ABCB1: variants seen among roughly 807,000 people sequenced by gnomAD.
ABCB1 encodes the protein ATP-dependent translocase ABCB1.
ABCB1 carries 69 observed loss-of-function variants against 142.0 expected under a neutral mutation model. That is an observed-to-expected ratio of 0.49 (90% CI 0.40 to 0.59). The LOEUF is 0.59. ABCB1 is among the 20% of genes least tolerant of loss of function. ABCB1 has a pLI of 0.00. For synonymous variants in ABCB1, 532 were observed against 539.2 expected (o/e 0.99, Z 0.18); for missense variants, 1,326 against 1,554.7 (o/e 0.85, Z 2.47).
At chr7:87,691,519 A>G (rs1396184896) in intron 1 of ABCB1, among the ~76,000 whole-genome samples, 1 of 152,114 alleles carries the variant, frequency 6.6e-6, no homozygotes, top group Non-Finnish European at 1.5e-5. Flanking sequence ...ACTTTCTTTT[A>G]ACATTATATA....
intron 3 of ABCB1, among the ~76,000 whole-genome samples, chr7:87,589,553 G>A (rs1427041374): frequency 4.6e-5 from 7 of 152,060 alleles, no homozygotes; most frequent in African/African-American, 1.4e-4. Context: ...GGGAGGCTGA[G>A]GGCAGGAGGA....
chr7:87,531,236 A>T, intron 21 of ABCB1, 58 bp downstream of exon 21: 1 of 1,446,048 alleles, frequency 6.9e-7, no homozygotes, highest in Non-Finnish European at 9.7e-7. Context: ...TAACAAAATA[A>T]CACTGATTAG....
At position 87,668,031 on chromosome 7, in the gene ABCB1, AT is replaced by A. The variant is rs566466239; in HGVS notation, c.-331+45129del. ...AGGTGGGGAGGAGTCCCTCTTCCTC[AT>A]TTTTTTGGAATTATTTCAGTAGAAA... On this transcript the variant is annotated intron_variant, in intron 1 of 28. Transcript: ENST00000265724. 3.8e-3 allele frequency among the ~76,000 whole-genome samples: 571 copies of A among 151,122 alleles called. 1 individual carries two copies. The highest frequency in any genetic ancestry group is 6.4e-3 in the Non-Finnish European group (433 of 67,702).
intron 5 of ABCB1, 58 bp downstream of exon 5, chr7:87,570,114 T>C: frequency 6.7e-7 from 1 of 1,494,388 alleles, no homozygotes. Flanking sequence ...TTTTAAACAT[T>C]TCTACAACTT....
At chr7:87,688,231 C>T (rs1489159326) in intron 1 of ABCB1, among the ~76,000 whole-genome samples, 1 of 151,820 alleles carries the variant, frequency 6.6e-6, no homozygotes, top group East Asian at 1.9e-4. Flanking sequence ...TTATGTATAC[C>T]TTAGTAAATT....
At chr7:87,622,455 T>C (rs1340528717) in intron 1 of ABCB1, among the ~76,000 whole-genome samples, 1 of 152,198 alleles carries the variant, frequency 6.6e-6, no homozygotes, top group African/African-American at 2.4e-5. Flanking sequence ...AGAAAACTTA[T>C]GTACTGTTAG....
Position 87,585,639 on chromosome 7 carries a change from C to A in ABCB1, c.159G>T (p.Val53=), listed in dbSNP as rs115493381. The change falls in exon 4 of 28, where the codon GTG becomes GTT. Residue 53 remains valine (V), a synonymous_variant. Coordinates refer to ENST00000622132, the MANE Select transcript of ABCB1 (RefSeq NM_001348946.2). ...CATGGATGATGGCAGCCAAAGTTCC[C>A]ACCACCATATACAACTTGTCAAGCC... ...SNWLDKLYMV[V]GTLAAIIHGA... 1 of 1,613,958 alleles carries A rather than the reference C, an allele frequency of 6.2e-7. No homozygotes were observed. The highest frequency in any genetic ancestry group is 1.3e-5 in the African/African-American group (1 of 75,042).
intron 24 of ABCB1, 87 bp from the exon 25 acceptor site, chr7:87,515,515 G>A: frequency 1.8e-5 from 22 of 1,196,946 alleles, no homozygotes; most frequent in Non-Finnish European, 2.7e-5. Context: ...CCAGGTGTCA[G>A]AAGATAATTA....
At chr7:87,602,763 G>A (rs570926063), upstream of ABCB1, among the ~76,000 whole-genome samples, 51 of 152,130 alleles carry the variant, frequency 3.4e-4, no homozygotes, top group Non-Finnish European at 5.4e-4. Flanking sequence ...CTATTATATT[G>A]TATTCCATTT....
At chr7:87,671,678 AC>A (rs1825837796) in intron 1 of ABCB1, among the ~76,000 whole-genome samples, 1 of 152,096 alleles carries the variant, frequency 6.6e-6, no homozygotes, top group South Asian at 2.1e-4. Context: ...GGGAGGTCCC[AC>A]CCAGTAAGAA....
At chr7:87,522,150 C>A in intron 21 of ABCB1, 1 of 1,448,264 alleles carries the variant, frequency 6.9e-7, no homozygotes, top group Non-Finnish European at 9.6e-7. Flanking sequence ...GCTTTGGTGG[C>A]AGCTGTGGTG....
chr7:87,512,361 GGTT>G, intron 25 of ABCB1, among the ~76,000 whole-genome samples: 1 of 152,102 alleles, frequency 6.6e-6, no homozygotes, highest in East Asian at 1.9e-4. Context: ...CTCGAATGAT[GGTT>G]GGCATCAGAA....
intron 3 of ABCB1, among the ~76,000 whole-genome samples, chr7:87,587,597 T>C (rs190840416): frequency 1.2e-4 from 19 of 152,028 alleles, no homozygotes; most frequent in East Asian, 7.7e-4. Flanking sequence ...TGTAGCTGGG[T>C]GCAGTGGCTC....
chr7:87,536,317 C>T (rs1452140169), intron 20 of ABCB1, 141 bp downstream of exon 20: 3 of 758,146 alleles, frequency 4.0e-6, no homozygotes, highest in Non-Finnish European at 7.0e-6. Context: ...CTACAAAAAG[C>T]ATGTGATATA....
rs187708581 is a variant in ABCB1, at chr7:87,624,479, G to A, written c.-330-23401C>T. On this transcript the variant is annotated intron_variant, in intron 1 of 28. Coordinates refer to the ABCB1 transcript ENST00000265724. ...TTGCACTTGTAATTTTGTCTGTTTCGATGAGAAGAAGGAAGTTGGGAAAAC... is the reference window on the plus strand; with the variant it reads ...TTGCACTTGTAATTTTGTCTGTTTCAATGAGAAGAAGGAAGTTGGGAAAAC... Among the ~76,000 whole-genome samples, 28 of 152,188 alleles carry A rather than the reference G, an allele frequency of 1.8e-4. No homozygotes were observed. In the South Asian group the frequency reaches 2.7e-3, roughly 15 times the overall value.
intron 1 of ABCB1, among the ~76,000 whole-genome samples, chr7:87,710,315 C>A (rs1829958871): frequency 6.6e-6 from 1 of 152,028 alleles, no homozygotes; most frequent in South Asian, 2.1e-4. Context: ...CCAAGTAACT[C>A]AGTATTAACG....
intron 4 of ABCB1, among the ~76,000 whole-genome samples, chr7:87,571,037 ATATGT>A (rs778545264): frequency 6.6e-6 from 1 of 152,256 alleles, no homozygotes; most frequent in Non-Finnish European, 1.5e-5. Flanking sequence ...ACTTATACAC[ATATGT>A]TATAAATGTA....
Position 87,626,737 on chromosome 7 carries a change from G to A in ABCB1, c.-330-25659C>T, listed in dbSNP as rs868617397. ...TGTCATATATATGTGTCATATATAT[G>A]TGTCATATATATGTCATATATATGT... is the stretch of plus-strand genomic sequence containing the variant. On this transcript the variant is annotated intron_variant, in intron 1 of 28. Transcript: ENST00000265724. 2.8e-4 allele frequency among the ~76,000 whole-genome samples: 27 copies of A among 95,746 alleles called. 2 individuals are homozygous for A. The highest frequency in any genetic ancestry group is 3.6e-4 in the Non-Finnish European group (19 of 52,590). 62.8% of individuals were successfully genotyped at this position (95,746 alleles called of 152,430 possible). A position where few individuals can be genotyped will look rare whatever the true frequency, so the allele number is the denominator to read the frequency against.
intron 23 of ABCB1, among the ~76,000 whole-genome samples, chr7:87,517,215 A>T (rs2117089042): frequency 6.6e-6 from 1 of 151,998 alleles, no homozygotes; most frequent in East Asian, 1.9e-4. Context: ...TTGCACTGTG[A>T]CCTTTGCAGC....
Sources: allele counts gnomAD v4.1 joint callset (sites outside exome capture counted in the v4.1 genomes callset), GRCh38; gene constraint gnomAD v4.1.1; transcripts MANE v1.5; gene names NCBI Gene and HGNC (gene_info 2026-07-23, HGNC 2026-07-21).